The following UBAP2 variants were observed in gnomAD, a reference collection of about 807,000 sequenced individuals.
UBAP2 encodes the protein ubiquitin-associated protein 2.
UBAP2 carries 75 observed loss-of-function variants against 139.6 expected under a neutral mutation model. The ratio of observed to expected loss-of-function variants is 0.54; its 90% confidence interval spans 0.45 to 0.65. The LOEUF is 0.65. Ranked by LOEUF, UBAP2 falls within the 30% of genes least tolerant of loss-of-function variation. The pLI, the probability that UBAP2 is intolerant of heterozygous loss-of-function variation, is 0.00. For missense variants in UBAP2, 1,368 were observed against 1,369.6 expected (o/e 1.00, Z 0.02); for synonymous variants, 526 against 526.2 (o/e 1.00, Z 0.01).
At chr9:34,044,357 C>T (rs1371868526) in intron 1 of UBAP2, among the ~76,000 whole-genome samples, 3 of 150,642 alleles carry the variant, frequency 2.0e-5, no homozygotes, top group Non-Finnish European at 4.4e-5. Context: ...GCCGAGATAG[C>T]GCCACTGCAC....
At chr9:33,994,903 C>T (rs1230760031) in intron 4 of UBAP2, 1 of 152,144 alleles carries the variant, frequency 6.6e-6, no homozygotes, top group African/African-American at 2.4e-5. Flanking sequence ...CAGCATGACC[C>T]TAAAATGAGA....
At chr9:33,994,661 GT>G (rs1821998524) in intron 4 of UBAP2, 1 of 145,576 alleles carries the variant, frequency 6.9e-6, no homozygotes, top group South Asian at 2.4e-4. Context: ...ATATAATATG[GT>G]TTTCCCAAAA....
At chr9:34,033,995 CA>C (rs34374464) in intron 1 of UBAP2, among the ~76,000 whole-genome samples, 1 of 152,154 alleles carries the variant, frequency 6.6e-6, no homozygotes, top group Non-Finnish European at 1.5e-5. Context: ...CTCAGCCTCC[CA>C]AAGTCCTAGG....
intron 1 of UBAP2, among the ~76,000 whole-genome samples, chr9:34,020,366 G>A (rs953371877): frequency 5.9e-5 from 9 of 151,600 alleles, no homozygotes; most frequent in African/African-American, 2.2e-4. Context: ...CATCACCCAG[G>A]CTGGAGTGCA....
intron 3 of UBAP2, chr9:33,998,531 T>A: frequency 2.8e-6 from 1 of 360,300 alleles, no homozygotes; most frequent in Admixed American, 4.5e-5. Context: ...TACAGAAATG[T>A]CTGGTTCAAT....
intron 12 of UBAP2, chr9:33,948,928 T>C: frequency 4.7e-6 from 1 of 211,844 alleles, no homozygotes; most frequent in Non-Finnish European, 9.7e-6. Flanking sequence ...GGTAGGTGGA[T>C]TACAAGGTCA....
chr9:33,986,855 G>A lies in UBAP2; in HGVS notation c.443-18C>T, dbSNP rs757205449. 8 of 1,610,758 alleles carry A rather than the reference G, an allele frequency of 5.0e-6. No homozygotes were observed. The highest frequency in any genetic ancestry group is 6.8e-6 in the Non-Finnish European group (8 of 1,177,180). The stretch of plus-strand genomic sequence containing the variant: ...ACCTCTAACTAGGGGGAAAAGAGCA[G>A]AAAAATCAAATTTCCATTTCCAAAC... On this transcript the variant is annotated intron_variant, in intron 5 of 28. Coordinates refer to ENST00000379238, the MANE Select transcript of UBAP2 (RefSeq NM_001370062.2).
intron 1 of UBAP2, among the ~76,000 whole-genome samples, chr9:34,039,193 G>A (rs1456461234): frequency 6.6e-6 from 1 of 151,042 alleles, no homozygotes; most frequent in African/African-American, 2.4e-5. Context: ...AGGGAGGTGG[G>A]GGGCAGCCCC....
Position 33,927,051 on chromosome 9 carries a change from C to A in UBAP2, c.2401G>T (p.Val801Leu), listed in dbSNP as rs758099156. 5.0e-6 allele frequency: 8 copies of A among 1,613,064 alleles called. No individual in the cohort carries two copies. The highest frequency in any genetic ancestry group is 1.1e-5 in the South Asian group (1 of 90,976). The change falls in exon 21 of 29, where the codon GTG (valine) becomes TTG (leucine). Residue 801 changes from valine (V) to leucine (L), a missense_variant. Val to Leu is a conservative substitution (Grantham distance 32). Transcript: ENST00000379238. ...TACTGGTTGTGCAGCAGGGGAGGCA[C>A]CCCCTGAGGTAAGTTTGGGGGTGCT... ...GKAPPNLPQG[V>L]PPLLHNQYLV...
At chr9:33,935,168 G>GGC (rs1824361480) in intron 17 of UBAP2, among the ~76,000 whole-genome samples, 1 of 144,966 alleles carries the variant, frequency 6.9e-6, no homozygotes, top group South Asian at 2.2e-4. Flanking sequence ...AGTGGCGGGG[G>GGC]GGGGGGGTCT....
Position 33,923,299 on chromosome 9 carries a change from G to GT in UBAP2, c.2897-7dup, listed in dbSNP as rs1823092476. On this transcript the variant is annotated splice_polypyrimidine_tract_variant and splice_region_variant and intron_variant, in intron 25 of 28. Transcript: ENST00000379238. ...CTGGGTCAGGTCGTCATAACCTAGC[G>GT]TGGCAGGGTACAAGAGGCAAGTGTG... 1 of 1,614,092 alleles carries GT rather than the reference G, an allele frequency of 6.2e-7. No individual in the cohort carries two copies. Among genetic ancestry groups the GT allele is most frequent in the Non-Finnish European group, 8.5e-7 (1 of 1,179,932 alleles).
intron 2 of UBAP2, among the ~76,000 whole-genome samples, chr9:34,006,289 CT>C (rs2131227081): frequency 6.6e-6 from 1 of 150,482 alleles, no homozygotes; most frequent in East Asian, 1.9e-4. Context: ...CAAACATCCA[CT>C]GGACAACTAG....
At chr9:34,032,331 C>G (rs1825957667) in intron 1 of UBAP2, among the ~76,000 whole-genome samples, 3 of 152,130 alleles carry the variant, frequency 2.0e-5, no homozygotes, top group Admixed American at 2.0e-4. Flanking sequence ...TAACCTTGGT[C>G]TGTGATAAAG....
chr9:34,017,015 AG>A, intron 2 of UBAP2, 34 bp downstream of exon 2: 3 of 1,254,684 alleles, frequency 2.4e-6, no homozygotes, highest in African/African-American at 1.8e-5. Flanking sequence ...AAGAAAAAAA[AG>A]GAAAAAAAAA....
At chr9:33,950,525 T>TTATGGA (rs1181955792) in intron 12 of UBAP2, among the ~76,000 whole-genome samples, 1 of 152,208 alleles carries the variant, frequency 6.6e-6, no homozygotes, top group African/African-American at 2.4e-5. Flanking sequence ...AAACATTAGG[T>TTATGGA]TATGGACAGC....
Position 33,941,732 on chromosome 9 carries a change from A to G in UBAP2, c.1846T>C (p.Ser616Pro), listed in dbSNP as rs11545496. The G allele has an allele frequency of 1.1e-5, 17 of 1,614,060 alleles. No individual in the cohort carries two copies. The highest frequency in any genetic ancestry group is 1.6e-4 in the Middle Eastern group (1 of 6,084). Residue 616 changes from serine to proline, a missense_variant, in exon 16 of 29, where the codon TCT (serine) becomes CCT (proline). By Grantham distance (74) the Ser-to-Pro change is moderately conservative (BLOSUM62 -1). Transcript: ENST00000379238. ...TTATGCACAGAACTCTGGTCATAAGAGGAAGACATTGCTACTGGACTAGCA... is the reference window on the plus strand; with the variant it reads ...TTATGCACAGAACTCTGGTCATAAGGGGAAGACATTGCTACTGGACTAGCA... Reference protein sequence around the residue: ...NSASPVAMSSSYDQSSVHNRI... With the variant: ...NSASPVAMSSPYDQSSVHNRI...
intron 1 of UBAP2, among the ~76,000 whole-genome samples, chr9:34,036,553 TAC>T (rs1436204938): frequency 6.6e-6 from 1 of 152,156 alleles, no homozygotes; most frequent in Non-Finnish European, 1.5e-5. Context: ...TGGAATCCTA[TAC>T]ACACATTTAA....
intron 12 of UBAP2, among the ~76,000 whole-genome samples, chr9:33,950,740 G>A (rs1386425121): frequency 3.9e-5 from 6 of 152,188 alleles, no homozygotes; most frequent in African/African-American, 1.4e-4. Context: ...ACATGCATCA[G>A]CTAGTTTTAT....
At chr9:33,943,268 ACTGTCTG>A in intron 15 of UBAP2, 145 bp downstream of exon 15, 1 of 657,898 alleles carries the variant, frequency 1.5e-6, no homozygotes, top group Non-Finnish European at 2.4e-6. Flanking sequence ...AGAAACTGAG[ACTGTCTG>A]CTACAGGTAT....
Sources: gnomAD v4.1 joint callset for allele counts (sites outside exome capture counted in the v4.1 genomes callset) on GRCh38, gnomAD v4.1.1 for gene constraint, MANE v1.5 for transcripts, NCBI Gene and HGNC (gene_info 2026-07-23, HGNC 2026-07-21) for gene names.